The following HIF3A variants were observed in gnomAD, a reference collection of about 807,000 sequenced individuals.
HIF3A encodes the protein hypoxia-inducible factor 3-alpha.
HIF3A carries 41 observed loss-of-function variants against 67.2 expected under a neutral mutation model. The observed-to-expected ratio is 0.61, with a 90% CI of 0.48 to 0.79. HIF3A has a LOEUF of 0.79. Among genes scored for constraint, HIF3A ranks in the 30% least tolerant of loss-of-function variants. The probability of loss-of-function intolerance (pLI) is 0.00; values close to 1 mark genes in which losing one functional copy is unlikely to be tolerated. For missense variants in HIF3A, 855 were observed against 898.0 expected (o/e 0.95, Z 0.61); for synonymous variants, 356 against 374.8 (o/e 0.95, Z 0.58).
At position 46,343,126 on chromosome 19, in the gene HIF3A, C is replaced by A. The variant is rs572361916; in HGVS notation, c.*3504C>A. On this transcript the variant is annotated 3_prime_UTR_variant, in exon 15 of 15. Coordinates refer to ENST00000377670, the MANE Select transcript of HIF3A (RefSeq NM_152795.4). ...GCCACCATCTATGTGCCTCCCTTAC[C>A]CCCCAGCTTTCTTTCTACAGATGGT... is the stretch of plus-strand genomic sequence containing the variant. The A allele has an allele frequency of 2.0e-5, 3 of 152,870 alleles. No individual in the cohort carries two copies. In the East Asian group the frequency reaches 5.8e-4, roughly 29 times the overall value. The allele number at this position is 152,870 out of a possible 1,614,324, so 9.5% of individuals were successfully genotyped here. A position where few individuals can be genotyped will look rare whatever the true frequency, so the allele number is the denominator to read the frequency against.
intron 10 of HIF3A, among the ~76,000 whole-genome samples, chr19:46,323,496 A>C (rs1354658099): frequency 6.6e-6 from 1 of 152,178 alleles, no homozygotes; most frequent in Admixed American, 6.5e-5. Flanking sequence ...AAAGACTGTT[A>C]GAACTGTTTT....
intron 13 of HIF3A, among the ~76,000 whole-genome samples, chr19:46,334,029 G>A (rs759932871): frequency 1.3e-5 from 2 of 151,484 alleles, no homozygotes; most frequent in Admixed American, 1.3e-4. Context: ...TCCTGACCTC[G>A]TGATCCGCCC....
At chr19:46,305,426 A>T in intron 3 of HIF3A, 36 bp downstream of exon 3, 1 of 1,601,966 alleles carries the variant, frequency 6.2e-7, no homozygotes, top group Non-Finnish European at 8.5e-7. Context: ...CTGGCCCTGT[A>T]CTGGTGATGC....
intron 9 of HIF3A, among the ~76,000 whole-genome samples, chr19:46,321,134 T>C (rs980408500): frequency 3.3e-5 from 5 of 152,138 alleles, no homozygotes; most frequent in African/African-American, 1.2e-4. Flanking sequence ...GGGCCTTGTC[T>C]TAACCTCTGG....
intron 14 of HIF3A, among the ~76,000 whole-genome samples, chr19:46,337,751 T>C (rs1414520496): frequency 2.0e-5 from 3 of 152,216 alleles, no homozygotes; most frequent in Non-Finnish European, 4.4e-5. Context: ...TTTGCCATGT[T>C]ACCACATCCT....
rs1601354512 is a variant in HIF3A, at chr19:46,331,271, C to T, written c.1828C>T (p.Leu610=). 3.7e-6 allele frequency: 6 copies of T among 1,611,820 alleles called. No homozygotes were observed. The African/African-American group carries it at 6.7e-5, about 18-fold the overall frequency. Reference sequence around the variant, plus strand: ...AAACTTTCTGCTCTTTCCTCTCAGCCTGGTGTGTTGGGGGATTAATGGGAT... The same window carrying T: ...AAACTTTCTGCTCTTTCCTCTCAGCTTGGTGTGTTGGGGGATTAATGGGAT... ...HENFLLFPLS[L]SFLLTGGPAP... is the part of the protein sequence containing the mutation. Residue 610 remains leucine (L), a splice_region_variant and synonymous_variant, in exon 13 of 15, where the codon CTG becomes TTG. Coordinates refer to ENST00000377670, the MANE Select transcript of HIF3A (RefSeq NM_152795.4).
chr19:46,308,514 G>A (rs930588471), intron 4 of HIF3A, 149 bp from the exon 5 acceptor site: 5 of 636,336 alleles, frequency 7.9e-6, no homozygotes, highest in Non-Finnish European at 1.4e-5. Flanking sequence ...GGTCCAAGGG[G>A]ACACATACTA....
intron 14 of HIF3A, among the ~76,000 whole-genome samples, chr19:46,337,965 G>A (rs969215373): frequency 6.6e-5 from 10 of 152,306 alleles, no homozygotes; most frequent in South Asian, 6.2e-4. Context: ...ACATGGGTGG[G>A]CGGTGGCTAA....
intron 7 of HIF3A, 63 bp from the exon 8 acceptor site, chr19:46,312,443 C>T (rs1240239598): frequency 1.3e-6 from 2 of 1,598,414 alleles, no homozygotes; most frequent in Non-Finnish European, 1.7e-6. Flanking sequence ...ACCCAGTCCC[C>T]AGATATTTCT....
chr19:46,298,647 G>A, intron 1 of HIF3A: 1 of 576,160 alleles, frequency 1.7e-6, no homozygotes, highest in Non-Finnish European at 2.6e-6. Context: ...TGCCCAGTGA[G>A]GTAGTATTCC....
intron 4 of HIF3A, 77 bp from the exon 5 acceptor site, chr19:46,308,586 A>G (rs1969119846): frequency 1.2e-6 from 1 of 854,512 alleles, no homozygotes; most frequent in African/African-American, 1.7e-5. Flanking sequence ...GGGAGGCCTG[A>G]GCAGCCAGGG....
chr19:46,321,695 T>C, intron 9 of HIF3A, 81 bp from the exon 10 acceptor site: 1 of 1,249,890 alleles, frequency 8.0e-7, no homozygotes, highest in Non-Finnish European at 1.1e-6. Context: ...TCAACTGTGT[T>C]CCTGGGGTTG....
intron 2 of HIF3A, 111 bp downstream of exon 2, chr19:46,304,199 C>A: frequency 1.1e-6 from 1 of 923,246 alleles, no homozygotes; most frequent in Non-Finnish European, 1.5e-6. Flanking sequence ...AAAGCCCCGC[C>A]CCCTGGTGTC....
At chr19:46,299,825 CG>C (rs1348856244) in intron 1 of HIF3A, among the ~76,000 whole-genome samples, 3 of 151,642 alleles carry the variant, frequency 2.0e-5, no homozygotes, top group African/African-American at 7.3e-5. Context: ...CGGTGGGGGG[CG>C]GGACACCCAA....
At chr19:46,298,836 C>T (rs1331884546) in intron 1 of HIF3A, among the ~76,000 whole-genome samples, 2 of 152,164 alleles carry the variant, frequency 1.3e-5, no homozygotes, top group African/African-American at 4.8e-5. Context: ...CATCCTTGCC[C>T]AGCTACAACC....
chr19:46,330,372 G>C (rs1402940786), intron 12 of HIF3A, among the ~76,000 whole-genome samples: 1 of 152,218 alleles, frequency 6.6e-6, no homozygotes, highest in Non-Finnish European at 1.5e-5. Context: ...TGGACGGATG[G>C]ATGGATGAAT....
rs369471437 is a variant in HIF3A, at chr19:46,324,826, C to T, written c.1336-709C>T. 2.3e-4 allele frequency among the ~76,000 whole-genome samples: 34 copies of T among 150,338 alleles called. No individual in the cohort carries two copies. The East Asian group carries it at 4.3e-3, about 19-fold the overall frequency. On this transcript the variant is annotated intron_variant, in intron 10 of 14. Coordinates refer to ENST00000377670, the MANE Select transcript of HIF3A (RefSeq NM_152795.4). ...CTGAGACCACGCCATTGCACTCCAA[C>T]CTGGGTGACAGAGTAAGACTCCCTT...
chr19:46,320,209 G>A (rs538160010), intron 8 of HIF3A: 4 of 420,020 alleles, frequency 9.5e-6, no homozygotes, highest in East Asian at 4.8e-5. Flanking sequence ...CAGCCTGGGC[G>A]ACAGAGTGAG....
chr19:46,336,675 C>G (rs1440299723), intron 14 of HIF3A, among the ~76,000 whole-genome samples: 1 of 152,004 alleles, frequency 6.6e-6, no homozygotes, highest in Non-Finnish European at 1.5e-5. Flanking sequence ...GCGTGAGCCA[C>G]CGCACCAGGC....
Sources: gnomAD v4.1 joint callset for allele counts (sites outside exome capture counted in the v4.1 genomes callset) on GRCh38, gnomAD v4.1.1 for gene constraint, MANE v1.5 for transcripts, NCBI Gene and HGNC (gene_info 2026-07-23, HGNC 2026-07-21) for gene names.